Variants in SMURF2 observed in about 807,000 individuals in gnomAD.
SMURF2 encodes the protein E3 ubiquitin-protein ligase SMURF2.
In SMURF2, 48 loss-of-function variants were observed where a neutral mutation model predicts 109.6. That is an observed-to-expected ratio of 0.44 (90% CI 0.35 to 0.56). The LOEUF (loss-of-function observed/expected upper bound fraction) is 0.56, where lower values mean the gene tolerates loss of function less well. SMURF2 is among the 20% of genes least tolerant of loss of function. The pLI is 0.01. For missense variants in SMURF2, 575 were observed against 909.0 expected, an observed-to-expected ratio of 0.63 and a Z score of 4.72; for synonymous variants, 288 against 317.1, an observed-to-expected ratio of 0.91 and a Z score of 0.97.
chr17:64,594,763 G>T (rs2144658115), intron 3 of SMURF2, among the ~76,000 whole-genome samples: 1 of 152,206 alleles, frequency 6.6e-6, no homozygotes, highest in South Asian at 2.1e-4. Flanking sequence ...GAGGCAGGCA[G>T]ATCACCAGAG....
At chr17:64,600,654 T>C (rs1555688473) in intron 2 of SMURF2, among the ~76,000 whole-genome samples, 2 of 152,174 alleles carry the variant, frequency 1.3e-5, no homozygotes, top group African/African-American at 4.8e-5. Context: ...TATTTGACTA[T>C]ATTGTTCTTG....
At chr17:64,598,106 G>A (rs1166197816) in intron 3 of SMURF2, among the ~76,000 whole-genome samples, 1 of 152,182 alleles carries the variant, frequency 6.6e-6, no homozygotes, top group Non-Finnish European at 1.5e-5. Context: ...GTCTAAAGTG[G>A]TGAATTAATA....
At chr17:64,549,095 C>T (rs1555683390) in intron 16 of SMURF2, among the ~76,000 whole-genome samples, 5 of 151,090 alleles carry the variant, frequency 3.3e-5, no homozygotes. Flanking sequence ...ACCAGCCTGG[C>T]CAACATGGCG....
chr17:64,552,232 C>T (rs1237250632), intron 15 of SMURF2, among the ~76,000 whole-genome samples: 1 of 152,068 alleles, frequency 6.6e-6, no homozygotes, highest in African/African-American at 2.4e-5. Flanking sequence ...ATTAAATAAT[C>T]ATTGTTCTCT....
At chr17:64,630,849 C>G (rs1434067818) in intron 1 of SMURF2, among the ~76,000 whole-genome samples, 1 of 152,098 alleles carries the variant, frequency 6.6e-6, no homozygotes, top group Non-Finnish European at 1.5e-5. Flanking sequence ...ACTTTTCAAC[C>G]AGCACTCAAT....
chr17:64,643,554 T>C (rs1221337765), intron 1 of SMURF2, among the ~76,000 whole-genome samples: 4 of 152,188 alleles, frequency 2.6e-5, no homozygotes, highest in African/African-American at 9.7e-5. Flanking sequence ...CCAGGGTCTC[T>C]CTGGACTCCC....
chr17:64,593,354 T>C, intron 4 of SMURF2, 86 bp downstream of exon 4: 4 of 1,133,324 alleles, frequency 3.5e-6, no homozygotes, highest in Non-Finnish European at 4.7e-6. Context: ...ACATATATAG[T>C]GCATGTATAT....
At position 64,545,761 on chromosome 17, in the gene SMURF2, T is replaced by C. The variant is rs1968944731; in HGVS notation, c.*87A>G. The C allele has an allele frequency of 1.7e-6, 1 of 577,894 alleles. No homozygotes were observed. The highest frequency in any genetic ancestry group is 2.9e-5 in the South Asian group (1 of 34,842). 35.8% of individuals were successfully genotyped at this position (577,894 alleles called of 1,614,324 possible). A position where few individuals can be genotyped will look rare whatever the true frequency, so the allele number is the denominator to read the frequency against. On this transcript the variant is annotated 3_prime_UTR_variant, in exon 19 of 19. Transcript: ENST00000262435. Reference sequence around the variant, plus strand: ...GGGGGGGGGGGAGTGTTTTCCTGTATTTCAGCATATTCTTTGAAACTCTGC... The same window carrying C: ...GGGGGGGGGGGAGTGTTTTCCTGTACTTCAGCATATTCTTTGAAACTCTGC...
At chr17:64,588,572 A>T (rs1343297129) in intron 5 of SMURF2, among the ~76,000 whole-genome samples, 1 of 152,120 alleles carries the variant, frequency 6.6e-6, no homozygotes, top group Non-Finnish European at 1.5e-5. Context: ...ATACATATTT[A>T]TGTATATAAA....
At chr17:64,568,205 G>C (rs1555685241) in intron 10 of SMURF2, among the ~76,000 whole-genome samples, 1 of 151,558 alleles carries the variant, frequency 6.6e-6, no homozygotes, top group African/African-American at 2.4e-5. Flanking sequence ...GGCCAGGCTG[G>C]TCTCGAACTC....
Position 64,566,561 on chromosome 17 carries a change from G to GTTTTGTTTTTTTT in SMURF2, c.1017-3596_1017-3595insAAAAAAAACAAAA, listed in dbSNP as rs1969306410. ...GATGTAGAAATGCTTAAGCTTTCTGGTTTTTTTTTTTTTTTTTTTTTTTTT... is the reference window on the plus strand; with the variant it reads ...GATGTAGAAATGCTTAAGCTTTCTGGTTTTGTTTTTTTTTTTTTTTTTTTTTTTTTTTTTTTTT... On this transcript the variant is annotated intron_variant, in intron 10 of 18. Transcript: ENST00000262435. Among the ~76,000 whole-genome samples the GTTTTGTTTTTTTT allele has an allele frequency of 4.6e-5, 2 of 43,784 alleles. 1 individual carries two copies. Among genetic ancestry groups the GTTTTGTTTTTTTT allele is most frequent in the Non-Finnish European group, 8.5e-5 (2 of 23,544 alleles). The allele number at this position is 43,784 out of a possible 152,430, so 28.7% of individuals were successfully genotyped here.
At chr17:64,643,739 A>G (rs530616572) in intron 1 of SMURF2, among the ~76,000 whole-genome samples, 9 of 152,282 alleles carry the variant, frequency 5.9e-5, no homozygotes, top group African/African-American at 2.2e-4. Context: ...CTTGTTTCCT[A>G]TCAGGATACT....
intron 16 of SMURF2, among the ~76,000 whole-genome samples, chr17:64,549,021 C>A (rs1445143451): frequency 6.6e-6 from 1 of 151,982 alleles, no homozygotes; most frequent in Non-Finnish European, 1.5e-5. Flanking sequence ...TGGTAGCTCA[C>A]GCCTGTAATC....
At chr17:64,613,275 T>C (rs1425457002) in intron 1 of SMURF2, among the ~76,000 whole-genome samples, 3 of 152,166 alleles carry the variant, frequency 2.0e-5, no homozygotes, top group African/African-American at 7.2e-5. Flanking sequence ...GACAAACTCC[T>C]GATTATGTCA....
At chr17:64,553,001 G>C (rs782501549) in intron 15 of SMURF2, among the ~76,000 whole-genome samples, 15 of 152,116 alleles carry the variant, frequency 9.9e-5, no homozygotes, top group Non-Finnish European at 2.1e-4. Context: ...ACTGCACCCA[G>C]CCTGTTCTTT....
At chr17:64,562,285 C>CAAAAAAA (rs782461489) in intron 11 of SMURF2, among the ~76,000 whole-genome samples, 1 of 19,012 alleles carries the variant, frequency 5.3e-5, no homozygotes, top group African/African-American at 1.5e-4. Context: ...GACTCCGTCT[C>CAAAAAAA]AAAAAAAAAA....
chr17:64,582,203 G>C (rs1555686622), intron 7 of SMURF2, among the ~76,000 whole-genome samples: 3 of 152,092 alleles, frequency 2.0e-5, no homozygotes, highest in Non-Finnish European at 2.9e-5. Context: ...TTTTACCTGA[G>C]AATTATAATG....
intron 1 of SMURF2, among the ~76,000 whole-genome samples, chr17:64,645,622 G>T (rs1173117306): frequency 6.6e-6 from 1 of 152,142 alleles, no homozygotes; most frequent in Non-Finnish European, 1.5e-5. Context: ...AGAATAATTG[G>T]ACATGCATGT....
chr17:64,567,136 G>A (rs143532038), intron 10 of SMURF2, among the ~76,000 whole-genome samples: 112 of 152,296 alleles, frequency 7.4e-4, no homozygotes, highest in African/African-American at 2.6e-3. Context: ...GGGATTACCA[G>A]TGTGAGCCAC....
Sources: allele counts gnomAD v4.1 joint callset (sites outside exome capture counted in the v4.1 genomes callset), GRCh38; gene constraint gnomAD v4.1.1; transcripts MANE v1.5; gene names NCBI Gene and HGNC (gene_info 2026-07-23, HGNC 2026-07-21).